Variants in PHF21B observed in about 807,000 individuals in gnomAD.
The protein encoded by PHF21B is PHD finger protein 21B.
In PHF21B, 22 loss-of-function variants were observed where a neutral mutation model predicts 62.2. The observed-to-expected ratio is 0.35, with a 90% CI of 0.25 to 0.51. PHF21B has a LOEUF of 0.51. PHF21B is among the 20% of genes least tolerant of loss of function. The probability of loss-of-function intolerance (pLI) is 0.97; values close to 1 mark genes in which losing one functional copy is unlikely to be tolerated. For synonymous variants in PHF21B, 341 were observed against 314.7 expected, an observed-to-expected ratio of 1.08 and a Z score of -0.88; for missense variants, 701 against 707.9, an observed-to-expected ratio of 0.99 and a Z score of 0.11.
intron 3 of PHF21B, among the ~76,000 whole-genome samples, chr22:44,919,313 C>T (rs565783329): frequency 2.0e-5 from 3 of 152,334 alleles, no homozygotes; most frequent in South Asian, 2.1e-4. Context: ...AGGATGGCTT[C>T]GAATGCGGCT....
intron 8 of PHF21B, 134 bp from the exon 9 acceptor site, chr22:44,889,916 T>G (rs558735431): frequency 1.1e-6 from 1 of 924,370 alleles, no homozygotes; most frequent in African/African-American, 1.8e-5. Context: ...AAGGCCCCCA[T>G]GATACCTGGG....
chr22:44,969,816 A>G (rs910681247), intron 2 of PHF21B, among the ~76,000 whole-genome samples: 2 of 152,210 alleles, frequency 1.3e-5, no homozygotes, highest in African/African-American at 2.4e-5. Context: ...CCACTATTCT[A>G]TAAGGGCCTA....
At chr22:44,887,837 G>T in intron 10 of PHF21B, 126 bp downstream of exon 10, 3 of 983,904 alleles carry the variant, frequency 3.0e-6, no homozygotes, top group Non-Finnish European at 1.3e-6. Context: ...AATGTCAATT[G>T]TGCTGAGGTT....
At chr22:44,998,585 G>T (rs1052841114) in intron 2 of PHF21B, among the ~76,000 whole-genome samples, 1 of 152,074 alleles carries the variant, frequency 6.6e-6, no homozygotes, top group Admixed American at 6.6e-5. Context: ...AGGCCAAGGC[G>T]GGGGACATGT....
intron 2 of PHF21B, among the ~76,000 whole-genome samples, chr22:44,974,507 C>A (rs1364185191): frequency 6.6e-6 from 1 of 152,138 alleles, no homozygotes; most frequent in Non-Finnish European, 1.5e-5. Flanking sequence ...AAACAGCCGA[C>A]ATACCCACAT....
At chr22:44,943,924 C>A (rs553208861) in intron 2 of PHF21B, among the ~76,000 whole-genome samples, 3 of 152,300 alleles carry the variant, frequency 2.0e-5, no homozygotes, top group African/African-American at 7.2e-5. Context: ...AACCCCCAGG[C>A]CTGGCGCACA....
At chr22:44,994,172 C>T (rs2073083924) in intron 2 of PHF21B, among the ~76,000 whole-genome samples, 1 of 152,226 alleles carries the variant, frequency 6.6e-6, no homozygotes, top group Non-Finnish European at 1.5e-5. Context: ...GGTGGAGATA[C>T]TGGGTTGAAG....
At chr22:44,919,319 C>T (rs1014152553) in intron 3 of PHF21B, among the ~76,000 whole-genome samples, 6 of 152,246 alleles carry the variant, frequency 3.9e-5, no homozygotes, top group African/African-American at 1.2e-4. Flanking sequence ...GCTTCGAATG[C>T]GGCTCAACAC....
At chr22:44,941,999 C>T (rs1351819824) in intron 2 of PHF21B, among the ~76,000 whole-genome samples, 1 of 152,128 alleles carries the variant, frequency 6.6e-6, no homozygotes, top group Non-Finnish European at 1.5e-5. Flanking sequence ...TGAGTAGGAC[C>T]CTGAAAGAAA....
intron 1 of PHF21B, 127 bp from the exon 2 acceptor site, chr22:45,008,737 T>C: frequency 8.7e-7 from 1 of 1,156,068 alleles, no homozygotes; most frequent in Non-Finnish European, 1.1e-6. Context: ...ACCCCAAGTT[T>C]CCCGGGCCGC....
intron 3 of PHF21B, among the ~76,000 whole-genome samples, chr22:44,917,014 C>T (rs2071448595): frequency 6.6e-6 from 1 of 152,360 alleles, no homozygotes; most frequent in South Asian, 2.1e-4. Flanking sequence ...GTCTGGAAAG[C>T]GCTGCCCCTC....
chr22:44,913,994 A>G lies in PHF21B; in HGVS notation c.659T>C (p.Leu220Pro). ...GATGCCATGGAGGGGTGAAGGGGAC[A>G]GTGATGGGGAGGGAGGGGTGAGGGG... ...SLPLTPPSPSLSPSPLHGIFQ... is the reference protein window; with the variant it reads ...SLPLTPPSPSPSPSPLHGIFQ... The change falls in exon 5 of 13, where the codon CTG (leucine) becomes CCG (proline). Residue 220 changes from leucine to proline, a missense_variant. Leu to Pro is a moderately conservative substitution (Grantham distance 98). Transcript: ENST00000313237. 2.1e-6 allele frequency: 1 copy of G among 485,680 alleles called. No homozygotes were observed. Among genetic ancestry groups the G allele is most frequent in the South Asian group, 2.4e-5 (1 of 41,700 alleles). The allele number at this position is 485,680 out of a possible 1,614,324, so 30.1% of individuals were successfully genotyped here. A position where few individuals can be genotyped will look rare whatever the true frequency, so the allele number is the denominator to read the frequency against.
intron 5 of PHF21B, among the ~76,000 whole-genome samples, chr22:44,900,132 T>G (rs573435729): frequency 3.0e-4 from 46 of 152,280 alleles, no homozygotes; most frequent in African/African-American, 1.0e-3. Context: ...CTTACATGAA[T>G]CTTTTATATA....
At position 44,916,295 on chromosome 22, in the gene PHF21B, G is replaced by C; in HGVS notation, c.549C>G (p.Ile183Met). The C allele has an allele frequency of 1.2e-6, 2 of 1,607,968 alleles. No individual in the cohort carries two copies. The highest frequency in any genetic ancestry group is 2.2e-5 in the South Asian group (2 of 90,228). ...GGGCACTCACCTTGTTGTCAGCACT[G>C]ATGAGGAGGGGCTGGACTTTGATGC... ...SDSIKVQPLL[I>M]SADNKPPPRL... Residue 183 changes from isoleucine to methionine, a missense_variant, in exon 4 of 13, where the codon ATC becomes ATG. Coordinates refer to ENST00000313237, the MANE Select transcript of PHF21B (RefSeq NM_138415.5).
At chr22:44,950,893 G>A (rs59287033) in intron 2 of PHF21B, among the ~76,000 whole-genome samples, 1,584 of 147,832 alleles carry the variant, frequency 0.011, 30 homozygotes, top group African/African-American at 0.036. Context: ...AGGGTTAGCC[G>A]GTGGACTTAC....
rs1035380717 is a variant in PHF21B, at chr22:44,881,451, C to T, written c.*1635G>A. 6.5e-6 allele frequency: 1 copy of T among 152,702 alleles called. No individual in the cohort carries two copies. The highest frequency in any genetic ancestry group is 1.5e-5 in the Non-Finnish European group (1 of 68,062). 9.5% of individuals were successfully genotyped at this position (152,702 alleles called of 1,614,324 possible). On this transcript the variant is annotated 3_prime_UTR_variant, in exon 13 of 13. Transcript: ENST00000313237. The stretch of plus-strand genomic sequence containing the variant: ...ATCGCAAGCCACGCGGTAATGCATA[C>T]TTGGCACAGAGTAGCCAATATAGAA...
chr22:44,931,221 AAG>A (rs1425071230), intron 2 of PHF21B, among the ~76,000 whole-genome samples: 1 of 152,132 alleles, frequency 6.6e-6, no homozygotes, highest in Non-Finnish European at 1.5e-5. Context: ...TGACCACCCG[AAG>A]AGTCACTTTC....
intron 2 of PHF21B, among the ~76,000 whole-genome samples, chr22:44,976,345 T>C (rs984109428): frequency 6.6e-6 from 1 of 152,204 alleles, no homozygotes; most frequent in Non-Finnish European, 1.5e-5. Context: ...CTCTTCACAC[T>C]GTCTTAAGAT....
At chr22:44,978,060 C>G (rs1434175776) in intron 2 of PHF21B, among the ~76,000 whole-genome samples, 1 of 152,150 alleles carries the variant, frequency 6.6e-6, no homozygotes. Flanking sequence ...CATTATCCAT[C>G]AGTGGTGGCC....
Sources: allele counts gnomAD v4.1 joint callset (sites outside exome capture counted in the v4.1 genomes callset), GRCh38; gene constraint gnomAD v4.1.1; transcripts MANE v1.5; gene names NCBI Gene and HGNC (gene_info 2026-07-23, HGNC 2026-07-21).